The following TM2D3 variants were observed in gnomAD, a reference collection of about 807,000 sequenced individuals.
The protein encoded by TM2D3 is TM2 domain containing 3.
Under a neutral mutation model 27.3 loss-of-function variants are expected in TM2D3, and 33 were observed. That is an observed-to-expected ratio of 1.21 (90% CI 0.92 to 1.61). TM2D3 has a LOEUF of 1.61. TM2D3 is among the 40% of genes most tolerant of loss of function. The pLI, the probability that TM2D3 is intolerant of heterozygous loss-of-function variation, is 0.00. For synonymous variants in TM2D3, 138 were observed against 122.2 expected, an observed-to-expected ratio of 1.13 and a Z score of -0.85; for missense variants, 364 against 320.8, an observed-to-expected ratio of 1.13 and a Z score of -1.03.
At chr15:101,652,039 G>T in intron 1 of TM2D3, 3 of 559,130 alleles carry the variant, frequency 5.4e-6, no homozygotes, top group Non-Finnish European at 9.2e-6. Flanking sequence ...CTCCATCTCC[G>T]TGCCAGGGCT....
intron 1 of TM2D3, 27 bp from the exon 2 acceptor site, chr15:101,651,800 G>C (rs140024622): frequency 2.7e-5 from 43 of 1,612,080 alleles, no homozygotes; most frequent in Middle Eastern, 3.3e-4. Context: ...TACAATTAGA[G>C]AAACACGTTA....
downstream of TM2D3, among the ~76,000 whole-genome samples, chr15:101,638,848 C>T (rs1567309200): frequency 2.0e-5 from 3 of 152,134 alleles, no homozygotes; most frequent in Non-Finnish European, 4.4e-5. Flanking sequence ...TGCAATCCAG[C>T]TGCACTCTAC....
intron 3 of TM2D3, among the ~76,000 whole-genome samples, chr15:101,649,636 T>C (rs1896916438): frequency 6.6e-6 from 1 of 152,202 alleles, no homozygotes; most frequent in Non-Finnish European, 1.5e-5. Context: ...AGAAAGACAC[T>C]GCCACCCCCT....
At chr15:101,645,988 G>A (rs2141365061) in intron 4 of TM2D3, 1 of 152,366 alleles carries the variant, frequency 6.6e-6, no homozygotes, top group Admixed American at 6.5e-5. Flanking sequence ...AGTCAATACA[G>A]CCATTTAAAG....
rs536561087 is a variant in TM2D3 at position 101,650,280 on chromosome 15, A to C, written c.170-119T>G. ...AGTAGACACTGCACTGGAAGGGAAGAAGCATGGGACTGGAGTCAGAGACAC... is the reference window on the plus strand; with the variant it reads ...AGTAGACACTGCACTGGAAGGGAAGCAGCATGGGACTGGAGTCAGAGACAC... On this transcript the variant is annotated intron_variant, in intron 2 of 5. Coordinates refer to ENST00000333202, the MANE Select transcript of TM2D3 (RefSeq NM_078474.3). 5 of 1,054,748 alleles carry C rather than the reference A, an allele frequency of 4.7e-6. No homozygotes were observed. The African/African-American group carries it at 6.4e-5, about 14-fold the overall frequency. 65.3% of individuals were successfully genotyped at this position (1,054,748 alleles called of 1,614,324 possible). A position where few individuals can be genotyped will look rare whatever the true frequency, so the allele number is the denominator to read the frequency against.
At chr15:101,652,183 G>T in intron 1 of TM2D3, 88 bp downstream of exon 1, 1 of 1,240,178 alleles carries the variant, frequency 8.1e-7, no homozygotes, top group Non-Finnish European at 1.1e-6. Flanking sequence ...CCGCGTCAGC[G>T]TCCGCCCGTG....
At chr15:101,650,266 C>A in intron 2 of TM2D3, 105 bp from the exon 3 acceptor site, 1 of 1,154,510 alleles carries the variant, frequency 8.7e-7, no homozygotes, top group Non-Finnish European at 1.2e-6. Context: ...GTAGACACTG[C>A]ACTGGAAGGG....
chr15:101,633,522 ATGTGTTCC>A, exon 5 of TM2D3: 1 of 538,216 alleles, frequency 1.9e-6, no homozygotes, highest in Non-Finnish European at 3.2e-6. Flanking sequence ...AGATTTTGCA[ATGTGTTCC>A]TGAATAAGCA....
At chr15:101,639,587 G>T (rs906597946), downstream of TM2D3, among the ~76,000 whole-genome samples, 5 of 151,990 alleles carry the variant, frequency 3.3e-5, no homozygotes, top group African/African-American at 9.7e-5. Flanking sequence ...TAAAAAAAAA[G>T]TACAGAGAAA....
At chr15:101,637,686 G>A (rs943411941), downstream of TM2D3, among the ~76,000 whole-genome samples, 4 of 152,078 alleles carry the variant, frequency 2.6e-5, no homozygotes, top group Admixed American at 2.0e-4. Context: ...CTCAAAGATC[G>A]CTCCCACCTC....
At chr15:101,642,719 C>A in intron 5 of TM2D3, 75 bp from the exon 6 acceptor site, 1 of 1,300,978 alleles carries the variant, frequency 7.7e-7, no homozygotes, top group Admixed American at 2.7e-5. Flanking sequence ...TTAATCACCA[C>A]ATTATGTCAG....
In TM2D3 at chr15:101,642,484, TG is replaced by T; in HGVS notation, c.738del (p.Tyr246Ter). 6.2e-7 allele frequency: 1 copy of T among 1,609,990 alleles called. No homozygotes were observed. Among genetic ancestry groups the T allele is most frequent in the East Asian group, 2.2e-5 (1 of 44,746 alleles). On this transcript the variant is annotated frameshift_variant, in exon 6 of 6. Transcript: ENST00000333202. LOFTEE classifies it high-confidence loss of function. ...TTCTGAAGCACACACCACAGCTAAA[TG>T]TACAAAGAGCCATCTGCTGGTCCAA... The part of the protein sequence containing the change: ...GYVGPADGSL[Y>X]I
At chr15:101,638,926 T>C (rs1896608028), downstream of TM2D3, among the ~76,000 whole-genome samples, 1 of 152,206 alleles carries the variant, frequency 6.6e-6, no homozygotes, top group African/African-American at 2.4e-5. Flanking sequence ...CCTTACTCAT[T>C]CATCAAACTC....
chr15:101,652,244 C>G (rs767556282), intron 1 of TM2D3, 27 bp downstream of exon 1: 1 of 1,586,016 alleles, frequency 6.3e-7, no homozygotes, highest in East Asian at 2.3e-5. Context: ...CAGCCCCACC[C>G]GGCGCTGAAC....
At chr15:101,636,956 T>C, downstream of TM2D3, 1 of 424,128 alleles carries the variant, frequency 2.4e-6, no homozygotes, top group Non-Finnish European at 4.7e-6. Flanking sequence ...TTGAAGAGAT[T>C]TATTCCGAAC....
At chr15:101,635,396 T>G (rs573562497) in intron 4 of TM2D3, 2 of 152,290 alleles carry the variant, frequency 1.3e-5, no homozygotes, top group African/African-American at 4.8e-5. Flanking sequence ...TGAGCATTTT[T>G]TATATTTAGT....
intron 3 of TM2D3, among the ~76,000 whole-genome samples, chr15:101,648,542 C>T (rs1330218833): frequency 6.6e-6 from 1 of 152,166 alleles, no homozygotes; most frequent in Non-Finnish European, 1.5e-5. Flanking sequence ...AGAAGTGAGC[C>T]GGCCTCGTCT....
exon 5 of TM2D3, chr15:101,633,678 C>T: frequency 6.5e-7 from 1 of 1,533,134 alleles, no homozygotes; most frequent in Non-Finnish European, 8.7e-7. Flanking sequence ...AGGGTGATGT[C>T]AATGAAGTCC....
intron 4 of TM2D3, chr15:101,634,942 T>G (rs1896522597): frequency 6.6e-6 from 1 of 152,190 alleles, no homozygotes; most frequent in Non-Finnish European, 1.5e-5. Flanking sequence ...GAGGCTCACT[T>G]GAGCCCAAGG....
Sources: allele counts gnomAD v4.1 joint callset (sites outside exome capture counted in the v4.1 genomes callset), GRCh38; gene constraint gnomAD v4.1.1; transcripts MANE v1.5; gene names NCBI Gene and HGNC (gene_info 2026-07-23, HGNC 2026-07-21).